KAT2B: variants seen among roughly 807,000 people sequenced by gnomAD.
KAT2B encodes the protein histone acetyltransferase KAT2B.
A neutral mutation model predicts 105.9 loss-of-function variants in KAT2B; 36 were observed. That is an observed-to-expected ratio of 0.34 (90% CI 0.26 to 0.45). KAT2B has a LOEUF of 0.45. KAT2B is among the 20% of genes least tolerant of loss of function. The pLI is 1.00. For synonymous variants in KAT2B, 397 were observed against 377.9 expected (o/e 1.05, Z -0.59); for missense variants, 820 against 1,021.6 (o/e 0.80, Z 2.69).
At chr3:20,066,010 GT>G (rs992514755) in intron 1 of KAT2B, among the ~76,000 whole-genome samples, 7 of 149,428 alleles carry the variant, frequency 4.7e-5, no homozygotes, top group Admixed American at 6.7e-5. Flanking sequence ...AACAAATACA[GT>G]TTTTTTTTTA....
chr3:20,139,893 A>G (rs2125191408), intron 12 of KAT2B, among the ~76,000 whole-genome samples: 1 of 152,298 alleles, frequency 6.6e-6, no homozygotes, highest in Middle Eastern at 3.4e-3. Flanking sequence ...TTTTGGAGAA[A>G]TTTGCAACGG....
At chr3:20,127,675 C>G (rs982990277) in intron 11 of KAT2B, 126 bp downstream of exon 11, 1 of 866,552 alleles carries the variant, frequency 1.2e-6, no homozygotes, top group African/African-American at 1.7e-5. Flanking sequence ...TAAGGACTTT[C>G]TGGGAATAGT....
rs747506090 is a variant in KAT2B, at chr3:20,122,721, C to T, written c.1330C>T (p.Arg444Ter). 4 of 1,613,916 alleles carry T rather than the reference C, an allele frequency of 2.5e-6. No individual in the cohort carries two copies. Among genetic ancestry groups the T allele is most frequent in the Non-Finnish European group, 3.4e-6 (4 of 1,179,910 alleles). Residue 444 changes from arginine (R) to a stop codon, truncating the protein, a stop_gained, in exon 9 of 18, where the codon CGA becomes TGA. Coordinates refer to ENST00000263754, the MANE Select transcript of KAT2B (RefSeq NM_003884.5). LOFTEE classifies it high-confidence loss of function. Reference sequence around the variant, plus strand: ...TGTTCTGGAGGAGGCCAAGAAACCCCGAGTTATGGGGGATATTCCGATGGA... The same window carrying T: ...TGTTCTGGAGGAGGCCAAGAAACCCTGAGTTATGGGGGATATTCCGATGGA... ...SHVLEEAKKP[R>*]VMGDIPMELI...
chr3:20,059,603 G>GCCT (rs1300682951), intron 1 of KAT2B, among the ~76,000 whole-genome samples: 1 of 152,030 alleles, frequency 6.6e-6, no homozygotes, highest in African/African-American at 2.4e-5. Context: ...TACTTGGGAG[G>GCCT]CTGAGGCAGG....
rs1427931115 is a variant in KAT2B, at chr3:20,111,659, G to C, written c.915G>C (p.Gln305His). ...CDSLPRYETT[Q>H]VFGRTLLRSV... ...GTCTACCTCGGTACGAAACCACACA[G>C]GTGTTTGGGAGAACATTGCTTCGCT... Residue 305 changes from glutamine (Q) to histidine (H), a missense_variant, in exon 6 of 18, where the codon CAG (glutamine) becomes CAC (histidine). Gln to His is a conservative substitution (Grantham distance 24). This residue lies in a region of KAT2B where 173 missense variants were observed against 249.5 expected (regional missense o/e 0.69). Transcript: ENST00000263754. 1 of 1,613,956 alleles carries C rather than the reference G, an allele frequency of 6.2e-7. No homozygotes were observed. The highest frequency in any genetic ancestry group is 8.5e-7 in the Non-Finnish European group (1 of 1,179,972).
chr3:20,041,652 CTTTGT>C (rs1697721666), intron 1 of KAT2B, among the ~76,000 whole-genome samples: 1 of 152,158 alleles, frequency 6.6e-6, no homozygotes, highest in South Asian at 2.1e-4. Flanking sequence ...TCAGCAGCGG[CTTTGT>C]TTTGACAGGG....
chr3:20,061,012 T>C (rs1174590212), intron 1 of KAT2B, among the ~76,000 whole-genome samples: 1 of 152,210 alleles, frequency 6.6e-6, no homozygotes, highest in Non-Finnish European at 1.5e-5. Flanking sequence ...CCATCTGAAC[T>C]ATTTTTAAGT....
intron 9 of KAT2B, among the ~76,000 whole-genome samples, chr3:20,123,263 C>T (rs970082308): frequency 2.3e-4 from 35 of 152,192 alleles, no homozygotes; most frequent in Non-Finnish European, 1.5e-4. Context: ...TGTCATAATA[C>T]TTCACCCCTA....
chr3:20,111,686 G>T lies in KAT2B; in HGVS notation c.942G>T (p.Ser314=). ...TQVFGRTLLR[S]VFTVMRRQLL... is the part of the protein sequence containing the mutation. ...TGTTTGGGAGAACATTGCTTCGCTC[G>T]GTCTTCACTGTTATGAGGCGACAAC... Residue 314 remains serine, a synonymous_variant, in exon 6 of 18, where the codon TCG becomes TCT. Coordinates refer to ENST00000263754, the MANE Select transcript of KAT2B (RefSeq NM_003884.5). 1.2e-6 allele frequency: 2 copies of T among 1,613,976 alleles called. No homozygotes were observed. The highest frequency in any genetic ancestry group is 1.7e-6 in the Non-Finnish European group (2 of 1,179,928).
At position 20,064,340 on chromosome 3, in the gene KAT2B, T is replaced by G. The variant is rs150423426; in HGVS notation, c.304-7993T>G. Among the ~76,000 whole-genome samples the G allele has an allele frequency of 3.5e-4, 53 of 152,356 alleles. No individual in the cohort carries two copies. The East Asian group carries it at 7.5e-3, about 22-fold the overall frequency. On this transcript the variant is annotated intron_variant, in intron 1 of 17. Transcript: ENST00000263754. Reference sequence around the variant, plus strand: ...CATCACCTCAATCACTTGTCATTTCTTTGTGATGAGAACATTCAAAATCCT... The same window carrying G: ...CATCACCTCAATCACTTGTCATTTCGTTGTGATGAGAACATTCAAAATCCT...
At chr3:20,139,726 T>C (rs933215934) in intron 12 of KAT2B, among the ~76,000 whole-genome samples, 2 of 152,134 alleles carry the variant, frequency 1.3e-5, no homozygotes, top group East Asian at 1.9e-4. Context: ...CCACACATTG[T>C]GACTGTCTGG....
At position 20,095,359 on chromosome 3, in the gene KAT2B, A is replaced by G. The variant is rs1698790712; in HGVS notation, c.527A>G (p.His176Arg). 2 of 1,602,646 alleles carry G rather than the reference A, an allele frequency of 1.2e-6. No individual in the cohort carries two copies. The highest frequency in any genetic ancestry group is 8.5e-7 in the Non-Finnish European group (1 of 1,169,732). The change falls in exon 3 of 18, where the codon CAC (histidine) becomes CGC (arginine). Residue 176 changes from histidine to arginine, a missense_variant. His to Arg is a conservative substitution (Grantham distance 29). Around this residue, in one of 6 missense-constraint regions of KAT2B, gnomAD observed 173 missense variants for 249.5 expected, o/e 0.69. Coordinates refer to ENST00000263754, the MANE Select transcript of KAT2B (RefSeq NM_003884.5). ...GTGGAATATCTCTTTACCTGTGTCC[A>G]CAAGGAAGAAGATGCAGATACCAAA... The part of the protein sequence containing the change: ...LDVEYLFTCV[H>R]KEEDADTKQV...
chr3:20,101,840 A>C (rs1448812291), intron 5 of KAT2B, among the ~76,000 whole-genome samples: 1 of 152,178 alleles, frequency 6.6e-6, no homozygotes, highest in Non-Finnish European at 1.5e-5. Context: ...GATTAAATAA[A>C]ATATATTGAA....
intron 1 of KAT2B, among the ~76,000 whole-genome samples, chr3:20,046,438 C>T (rs1038408819): frequency 1.3e-5 from 2 of 152,078 alleles, no homozygotes; most frequent in Admixed American, 6.6e-5. Context: ...GAAAATTAGC[C>T]GGGCATGATG....
chr3:20,040,584 C>G lies in KAT2B; in HGVS notation c.107C>G (p.Pro36Arg), dbSNP rs2125158941. 2 of 1,173,736 alleles carry G rather than the reference C, an allele frequency of 1.7e-6. No individual in the cohort carries two copies. Among genetic ancestry groups the G allele is most frequent in the Non-Finnish European group, 2.1e-6 (2 of 950,212 alleles). 72.7% of individuals were successfully genotyped at this position (1,173,736 alleles called of 1,614,324 possible). The change falls in exon 1 of 18, where the codon CCC (proline) becomes CGC (arginine). Residue 36 changes from proline to arginine, a missense_variant. Physicochemically the swap from Pro to Arg is moderately radical, Grantham distance 103 (BLOSUM62 -2). This residue lies in a region of KAT2B where 190 missense variants were observed against 176.7 expected (regional missense o/e 1.08). Transcript: ENST00000263754. ...CAGCCTGCGGCGCTTCCGCCCGCGC[C>G]CCCGCAGGGCTCCCCCTGCGCCGCT... Reference protein sequence around the residue: ...PPQPAALPPAPPQGSPCAAAA... With the variant: ...PPQPAALPPARPQGSPCAAAA...
chr3:20,126,194 T>C (rs1224574262), intron 10 of KAT2B, 81 bp downstream of exon 10: 3 of 1,201,150 alleles, frequency 2.5e-6, no homozygotes, highest in Non-Finnish European at 3.6e-6. Flanking sequence ...AAGTCAGCCA[T>C]AGTCATCCAC....
intron 11 of KAT2B, among the ~76,000 whole-genome samples, chr3:20,128,861 G>T (rs961324925): frequency 6.6e-6 from 1 of 151,940 alleles, no homozygotes; most frequent in African/African-American, 2.4e-5. Flanking sequence ...TACAAAATTA[G>T]CTTGGTGTGG....
Position 20,045,282 on chromosome 3 carries a change from C to T in KAT2B, c.303+4502C>T, listed in dbSNP as rs558619149. ...ATCTGCCTGCCTCCACCTCCCAAAG[C>T]GCTGGGATTACAGGTGTGAGCCACT... is the stretch of plus-strand genomic sequence containing the variant. On this transcript the variant is annotated intron_variant, in intron 1 of 17. Transcript: ENST00000263754. 1.3e-3 allele frequency among the ~76,000 whole-genome samples: 197 copies of T among 151,972 alleles called. 1 individual carries two copies. Among genetic ancestry groups the T allele is most frequent in the African/African-American group, 4.0e-3 (167 of 41,458 alleles).
intron 3 of KAT2B, among the ~76,000 whole-genome samples, chr3:20,095,876 G>A (rs1386776891): frequency 6.6e-6 from 1 of 152,202 alleles, no homozygotes; most frequent in East Asian, 1.9e-4. Flanking sequence ...GAATGGCAGG[G>A]ATGGTGGCGA....
Sources: gnomAD v4.1 joint callset for allele counts (sites outside exome capture counted in the v4.1 genomes callset) on GRCh38, gnomAD v4.1.1 for gene constraint, gnomAD v4.1.1 regional missense constraint, MANE v1.5 for transcripts, NCBI Gene and HGNC (gene_info 2026-07-23, HGNC 2026-07-21) for gene names.